The following DAPK1 variants were observed in gnomAD, a reference collection of about 807,000 sequenced individuals.
DAPK1 encodes death-associated protein kinase 1.
In DAPK1, 56 loss-of-function variants were observed where a neutral mutation model predicts 144.9. The observed-to-expected ratio is 0.39, with a 90% CI of 0.31 to 0.48. DAPK1 has a LOEUF of 0.48. Ranked by LOEUF, DAPK1 falls within the 20% of genes least tolerant of loss-of-function variation. DAPK1 has a pLI of 0.95. For synonymous variants in DAPK1, 690 were observed against 749.0 expected (o/e 0.92, Z 1.29); for missense variants, 1,454 against 1,875.4 (o/e 0.78, Z 4.15).
chr9:87,597,880 T>A, intron 2 of DAPK1, among the ~76,000 whole-genome samples: 1 of 152,068 alleles, frequency 6.6e-6, no homozygotes, highest in East Asian at 1.9e-4. Context: ...CTTCTTCCAC[T>A]CCTGACTCAC....
At chr9:87,571,952 T>C (rs73494371) in intron 2 of DAPK1, among the ~76,000 whole-genome samples, 3,768 of 152,272 alleles carry the variant, frequency 0.025, 146 homozygotes, top group African/African-American at 0.084. Flanking sequence ...CTTCCAGGGC[T>C]TTGTGTTTTC....
At chr9:87,549,292 A>G (rs1826384227) in intron 2 of DAPK1, among the ~76,000 whole-genome samples, 1 of 152,184 alleles carries the variant, frequency 6.6e-6, no homozygotes, top group African/African-American at 2.4e-5. Context: ...ATGGCTGCAT[A>G]GTATTCCATG....
chr9:87,497,715 G>C (rs1180581612), upstream of DAPK1: 1 of 247,040 alleles, frequency 4.0e-6, no homozygotes, highest in African/African-American at 2.3e-5. Context: ...GCGGAGCTGG[G>C]AGGAGCAGCG....
intron 2 of DAPK1, among the ~76,000 whole-genome samples, chr9:87,505,025 G>C (rs1824534582): frequency 1.3e-5 from 2 of 152,172 alleles, no homozygotes; most frequent in Non-Finnish European, 2.9e-5. Flanking sequence ...TATCAGGAGA[G>C]GCAACATTGG....
chr9:87,624,193 C>A (rs1829409687), intron 3 of DAPK1, among the ~76,000 whole-genome samples: 1 of 152,182 alleles, frequency 6.6e-6, no homozygotes, highest in East Asian at 1.9e-4. Context: ...CTAGAGGATT[C>A]CCTACTTAGA....
intron 2 of DAPK1, among the ~76,000 whole-genome samples, chr9:87,576,367 C>G (rs1827561043): frequency 6.6e-6 from 1 of 152,194 alleles, no homozygotes. Context: ...ATGTTTTGTA[C>G]TGTCATCTAA....
intron 2 of DAPK1, among the ~76,000 whole-genome samples, chr9:87,595,566 C>G (rs1029797951): frequency 1.3e-5 from 2 of 152,236 alleles, no homozygotes; most frequent in African/African-American, 4.8e-5. Context: ...ACCTGACTCT[C>G]AGCATATTTG....
chr9:87,509,711 T>G (rs1824758286), intron 2 of DAPK1, among the ~76,000 whole-genome samples: 1 of 152,244 alleles, frequency 6.6e-6, no homozygotes. Context: ...TAGAAAATTG[T>G]CTTCCTAGAT....
chr9:87,586,530 A>G (rs965564190), intron 2 of DAPK1, among the ~76,000 whole-genome samples: 1 of 152,218 alleles, frequency 6.6e-6, no homozygotes, highest in Non-Finnish European at 1.5e-5. Flanking sequence ...TTCCTGTGAT[A>G]AAACACTATT....
rs11291160 is a variant in DAPK1 at position 87,548,913 on chromosome 9, C to CTTTTTTTTTTTTTTTTTTTTTTTT, written c.62+49778_62+49801dup. Among the ~76,000 whole-genome samples, 13 of 63,870 alleles carry CTTTTTTTTTTTTTTTTTTTTTTTT rather than the reference C, an allele frequency of 2.0e-4. 1 individual carries two copies. The highest frequency in any genetic ancestry group is 3.2e-4 in the Non-Finnish European group (12 of 37,942). 41.9% of individuals were successfully genotyped at this position (63,870 alleles called of 152,430 possible). A position where few individuals can be genotyped will look rare whatever the true frequency, so the allele number is the denominator to read the frequency against. On this transcript the variant is annotated intron_variant, in intron 2 of 25. Transcript: ENST00000408954. ...ACCACCCACTGAGTGGATTTCATTC[C>CTTTTTTTTTTTTTTTTTTTTTTTT]TTTTTTTTTTTTTTTTTTTTTTTTT...
chr9:87,600,097 C>T (rs1309094170), intron 2 of DAPK1, among the ~76,000 whole-genome samples: 1 of 152,156 alleles, frequency 6.6e-6, no homozygotes, highest in Non-Finnish European at 1.5e-5. Context: ...CAATAAAAAA[C>T]ATGACACTAA....
chr9:87,530,132 T>C (rs1234284448), intron 2 of DAPK1, among the ~76,000 whole-genome samples: 8 of 152,242 alleles, frequency 5.3e-5, no homozygotes, highest in Non-Finnish European at 7.3e-5. Context: ...CAGCCTAATC[T>C]TGCCCCTCTC....
At chr9:87,616,537 C>T (rs1302671552) in intron 3 of DAPK1, among the ~76,000 whole-genome samples, 1 of 152,210 alleles carries the variant, frequency 6.6e-6, no homozygotes, top group Non-Finnish European at 1.5e-5. Flanking sequence ...CAAAGTACCC[C>T]ATCCTCTTGA....
intron 3 of DAPK1, among the ~76,000 whole-genome samples, chr9:87,619,760 G>T (rs1829223636): frequency 6.6e-6 from 1 of 152,216 alleles, no homozygotes; most frequent in Non-Finnish European, 1.5e-5. Context: ...TATATGGCCG[G>T]CATTGTTATG....
intron 2 of DAPK1, among the ~76,000 whole-genome samples, chr9:87,522,747 C>G (rs1265722002): frequency 6.6e-6 from 1 of 152,200 alleles, no homozygotes; most frequent in Non-Finnish European, 1.5e-5. Flanking sequence ...GTTTTCAGCC[C>G]AACTACAAGA....
intron 3 of DAPK1, among the ~76,000 whole-genome samples, 166 bp downstream of exon 3, chr9:87,605,341 CT>C (rs375300568): frequency 1.2e-4 from 19 of 152,320 alleles, no homozygotes; most frequent in African/African-American, 4.6e-4. Context: ...TGAAACCCAG[CT>C]GCAGGGATCT....
intron 2 of DAPK1, among the ~76,000 whole-genome samples, chr9:87,546,807 G>A (rs1826268332): frequency 6.6e-6 from 1 of 152,010 alleles, no homozygotes; most frequent in Non-Finnish European, 1.5e-5. Flanking sequence ...CTCCGATGAC[G>A]TTAGAAGAGG....
At chr9:87,680,636 G>T (rs1275829861) in intron 19 of DAPK1, among the ~76,000 whole-genome samples, 1 of 138,370 alleles carries the variant, frequency 7.2e-6, no homozygotes, top group South Asian at 2.5e-4. Flanking sequence ...AAGTGTGGGG[G>T]TCACACACAC....
chr9:87,610,749 G>A (rs1018862717), intron 3 of DAPK1, among the ~76,000 whole-genome samples: 3 of 152,220 alleles, frequency 2.0e-5, no homozygotes, highest in African/African-American at 7.2e-5. Flanking sequence ...GCCCCACCCC[G>A]AAGGGACAGC....
Sources: gnomAD v4.1 joint callset for allele counts (sites outside exome capture counted in the v4.1 genomes callset) on GRCh38, gnomAD v4.1.1 for gene constraint, MANE v1.5 for transcripts, NCBI Gene and HGNC (gene_info 2026-07-23, HGNC 2026-07-21) for gene names.